Variants in ZFHX3 observed in about 807,000 individuals in gnomAD.
ZFHX3 encodes zinc finger homeobox 3, also known as zinc finger homeobox protein 3.
ZFHX3 carries 42 observed loss-of-function variants against 279.1 expected under a neutral mutation model. The observed-to-expected ratio is 0.15, with a 90% CI of 0.12 to 0.19. The LOEUF (loss-of-function observed/expected upper bound fraction) is 0.19, where lower values mean the gene tolerates loss of function less well. Among genes scored for constraint, ZFHX3 ranks in the 10% least tolerant of loss-of-function variants. The pLI is 1.00. For missense variants in ZFHX3, 4,981 were observed against 4,754.0 expected (o/e 1.05, Z -1.40); for synonymous variants, 2,293 against 1,957.8 (o/e 1.17, Z -4.52).
intron 1 of ZFHX3, among the ~76,000 whole-genome samples, chr16:73,847,582 T>C (rs1300583871): frequency 6.6e-6 from 1 of 152,136 alleles, no homozygotes; most frequent in Non-Finnish European, 1.5e-5. Flanking sequence ...ATGAGCCAAC[T>C]TCAGCAAGTT....
chr16:73,890,926 T>A (rs1207128415), intron 1 of ZFHX3, among the ~76,000 whole-genome samples: 1 of 151,520 alleles, frequency 6.6e-6, no homozygotes, highest in African/African-American at 2.4e-5. Flanking sequence ...GCTGGTGACA[T>A]CAATCAACTG....
At chr16:73,442,122 G>C (rs1009364224) in intron 3 of ZFHX3, among the ~76,000 whole-genome samples, 2 of 152,096 alleles carry the variant, frequency 1.3e-5, no homozygotes, top group Non-Finnish European at 2.9e-5. Flanking sequence ...CAGATGACCA[G>C]AATGAAAGAA....
Position 73,675,945 on chromosome 16 carries a change from T to C in ZFHX3, c.-1547+4235A>G, listed in dbSNP as rs971123692. ...GAGGGGAAATGGTACAACTCAAGAA[T>C]TGCACATCTAAACAAAGAATTTAAA... On this transcript the variant is annotated intron_variant, in intron 2 of 17. Transcript: ENST00000641206. Among the ~76,000 whole-genome samples, 10 of 151,984 alleles carry C rather than the reference T, an allele frequency of 6.6e-5. No homozygotes were observed. In the East Asian group the frequency reaches 1.3e-3, roughly 20 times the overall value.
chr16:73,017,707 G>A (rs939221323), intron 1 of ZFHX3, among the ~76,000 whole-genome samples: 23 of 152,020 alleles, frequency 1.5e-4, no homozygotes, highest in Admixed American at 8.5e-4. Context: ...GATAGAGCTC[G>A]TCCAGAGAAT....
rs748108727 is a variant in ZFHX3 at position 72,794,734 on chromosome 16, G to T, written c.7948C>A (p.Pro2650Thr). ...RDKRLRTTIT[P>T]EQLEILYQKY... Reference sequence around the variant, plus strand: ...TGGTAGAGAATTTCTAGTTGTTCCGGTGTGATGGTTGTTCTCAAACGCTTG... The same window carrying T: ...TGGTAGAGAATTTCTAGTTGTTCCGTTGTGATGGTTGTTCTCAAACGCTTG... The change falls in exon 9 of 10, where the codon CCG (proline) becomes ACG (threonine). Residue 2650 changes from proline to threonine, a missense_variant. Around this residue, in one of 7 missense-constraint regions of ZFHX3, gnomAD observed 744 missense variants for 701.3 expected, o/e 1.06. Coordinates refer to ENST00000268489, the MANE Select transcript of ZFHX3 (RefSeq NM_006885.4). This position sits in a 1 kb window ranked among gnomAD's most constrained non-coding sequence, Gnocchi z 4.2. 10 of 1,614,096 alleles carry T rather than the reference G, an allele frequency of 6.2e-6. No individual in the cohort carries two copies. In the East Asian group the frequency reaches 2.2e-4, roughly 36 times the overall value.
At chr16:73,823,967 T>C (rs1395773319) in intron 1 of ZFHX3, among the ~76,000 whole-genome samples, 1 of 152,178 alleles carries the variant, frequency 6.6e-6, no homozygotes, top group Non-Finnish European at 1.5e-5. Context: ...TTGGGCATAT[T>C]TTGCTTCACG....
In ZFHX3 at chr16:72,788,267, C is replaced by T; in HGVS notation, c.10009G>A (p.Gly3337Ser). ...LQSGYLQPMY[G>S]MEGLFPYSPA... The stretch of plus-strand genomic sequence containing the variant: ...CTGTAGGGGAACAGGCCTTCCATGC[C>T]ATACATAGGCTGCAGGTACCCGCTC... The change falls in exon 10 of 10, where the codon GGC becomes AGC. Residue 3337 changes from glycine (G) to serine (S), a missense_variant. Transcript: ENST00000268489. The T allele has an allele frequency of 6.2e-7, 1 of 1,614,180 alleles. No homozygotes were observed. Among genetic ancestry groups the T allele is most frequent in the Non-Finnish European group, 8.5e-7 (1 of 1,180,040 alleles).
intron 1 of ZFHX3, among the ~76,000 whole-genome samples, chr16:73,837,366 T>C (rs1961169872): frequency 6.6e-6 from 1 of 152,248 alleles, no homozygotes; most frequent in Non-Finnish European, 1.5e-5. Context: ...GCTCTTTGAC[T>C]AACAGGCTGT....
intron 1 of ZFHX3, among the ~76,000 whole-genome samples, chr16:73,785,620 G>C (rs561074814): frequency 3.3e-5 from 5 of 152,092 alleles, no homozygotes; most frequent in Admixed American, 6.6e-5. Context: ...TCGGTATAAA[G>C]GTGGGGTGGT....
intron 4 of ZFHX3, among the ~76,000 whole-genome samples, chr16:73,261,768 C>T (rs998630345): frequency 2.7e-5 from 4 of 150,674 alleles, no homozygotes; most frequent in Non-Finnish European, 5.9e-5. Context: ...TTCCGCCTCC[C>T]GGGTTCAAGT....
At chr16:72,855,185 G>A (rs964214851) in intron 4 of ZFHX3, among the ~76,000 whole-genome samples, 1 of 152,198 alleles carries the variant, frequency 6.6e-6, no homozygotes, top group South Asian at 2.1e-4. Flanking sequence ...CAAGGCTGGG[G>A]TTAATGGCAG....
At chr16:72,856,296 C>A (rs1008848832) in intron 4 of ZFHX3, among the ~76,000 whole-genome samples, 3 of 152,226 alleles carry the variant, frequency 2.0e-5, no homozygotes, top group African/African-American at 7.2e-5. Flanking sequence ...CGTGGTCAGA[C>A]CACAAGCCAT....
At chr16:73,286,323 G>T (rs944580567) in intron 4 of ZFHX3, among the ~76,000 whole-genome samples, 1 of 152,198 alleles carries the variant, frequency 6.6e-6, no homozygotes, top group African/African-American at 2.4e-5. Flanking sequence ...ATCAAGCAAA[G>T]TAACCTTGTG....
At chr16:73,108,269 G>A (rs2144795832) in intron 7 of ZFHX3, among the ~76,000 whole-genome samples, 1 of 152,086 alleles carries the variant, frequency 6.6e-6, no homozygotes. Flanking sequence ...GGGAGGTTGA[G>A]GCTGCAGTGA....
At chr16:73,474,522 G>A (rs2018731492) in intron 2 of ZFHX3, among the ~76,000 whole-genome samples, 4 of 152,190 alleles carry the variant, frequency 2.6e-5, no homozygotes, top group African/African-American at 9.6e-5. Flanking sequence ...TCCAACAGGT[G>A]AACTAGCATT....
In ZFHX3 at chr16:72,796,338, G is replaced by T; in HGVS notation, c.6344C>A (p.Pro2115His). The change falls in exon 9 of 10, where the codon CCC becomes CAC. Residue 2115 changes from proline (P) to histidine (H), a missense_variant. Around this residue, in one of 7 missense-constraint regions of ZFHX3, gnomAD observed 1,751 missense variants for 1,770.0 expected, o/e 0.99. Coordinates refer to ENST00000268489, the MANE Select transcript of ZFHX3 (RefSeq NM_006885.4). ...AGGCTCCACAGGTCCCAGCTGCGGG[G>T]GTAGCTGAGCCGGCAAGGTCTGCAG... ...MPLQTLPAQL[P>H]PQLGPVEPLP... 1 of 1,614,094 alleles carries T rather than the reference G, an allele frequency of 6.2e-7. No individual in the cohort carries two copies. Among genetic ancestry groups the T allele is most frequent in the African/African-American group, 1.3e-5 (1 of 75,026 alleles).
chr16:72,792,752 G>C (rs2035755327), intron 9 of ZFHX3, among the ~76,000 whole-genome samples: 2 of 152,158 alleles, frequency 1.3e-5, no homozygotes, highest in African/African-American at 4.8e-5. Flanking sequence ...ACCCGGCCCT[G>C]ATAGCAGTTC....
intron 4 of ZFHX3, among the ~76,000 whole-genome samples, chr16:72,855,046 G>C (rs2037721620): frequency 6.6e-6 from 1 of 152,086 alleles, no homozygotes; most frequent in Non-Finnish European, 1.5e-5. Flanking sequence ...TGTACGCAGA[G>C]ATAAATACGT....
chr16:73,375,132 TC>T (rs1020887037), intron 3 of ZFHX3, among the ~76,000 whole-genome samples: 1 of 152,198 alleles, frequency 6.6e-6, no homozygotes, highest in Non-Finnish European at 1.5e-5. Context: ...GCATGAATTT[TC>T]CCCCCATTTG....
Sources: allele counts gnomAD v4.1 joint callset (sites outside exome capture counted in the v4.1 genomes callset), GRCh38; gene constraint gnomAD v4.1.1; regional missense constraint gnomAD v4.1.1; non-coding constraint Gnocchi (gnomAD v3.1); transcripts MANE v1.5; gene names NCBI Gene and HGNC (gene_info 2026-07-23, HGNC 2026-07-21).